Variants in ABCA13 observed in about 807,000 individuals in gnomAD.
The protein encoded by ABCA13 is ATP binding cassette subfamily A member 13, also known as ATP-binding cassette sub-family A member 13.
Under a neutral mutation model 478.7 loss-of-function variants are expected in ABCA13, and 476 were observed. The observed-to-expected ratio is 0.99, with a 90% CI of 0.92 to 1.07. The LOEUF (loss-of-function observed/expected upper bound fraction) is 1.07, where lower values mean the gene tolerates loss of function less well. ABCA13 is among the 50% of genes least tolerant of loss of function. ABCA13 has a pLI of 0.00. For missense variants in ABCA13, 6,060 were observed against 5,910.6 expected (o/e 1.03, Z -0.83); for synonymous variants, 2,252 against 2,158.9 (o/e 1.04, Z -1.20).
At chr7:48,182,469 C>A (rs1795821453) in intron 1 of ABCA13, among the ~76,000 whole-genome samples, 1 of 152,134 alleles carries the variant, frequency 6.6e-6, no homozygotes, top group African/African-American at 2.4e-5. Flanking sequence ...TTCCAGTGTT[C>A]ATACTTAATT....
intron 48 of ABCA13, among the ~76,000 whole-genome samples, chr7:48,492,437 A>T (rs1829920380): frequency 6.6e-6 from 1 of 152,088 alleles, no homozygotes; most frequent in East Asian, 1.9e-4. Context: ...AAATTCATCC[A>T]TATATTTATT....
intron 59 of ABCA13, among the ~76,000 whole-genome samples, chr7:48,624,403 G>C (rs1793463522): frequency 6.6e-6 from 1 of 151,874 alleles, no homozygotes; most frequent in African/African-American, 2.4e-5. Flanking sequence ...AGTCTGACTT[G>C]GTAAAAACAC....
intron 35 of ABCA13, among the ~76,000 whole-genome samples, chr7:48,380,279 T>C (rs1814141894): frequency 6.6e-6 from 1 of 152,204 alleles, no homozygotes; most frequent in Admixed American, 6.5e-5. Flanking sequence ...AATATCTGGT[T>C]TTAAGTTTGT....
chr7:48,487,786 C>CTGTGTGT (rs1047479290), intron 47 of ABCA13, among the ~76,000 whole-genome samples: 32 of 152,178 alleles, frequency 2.1e-4, no homozygotes, highest in African/African-American at 7.2e-4. Flanking sequence ...GTGTAGGTGT[C>CTGTGTGT]TGTGTGTGAG....
At chr7:48,334,973 T>C (rs1354911691) in intron 27 of ABCA13, among the ~76,000 whole-genome samples, 2 of 152,260 alleles carry the variant, frequency 1.3e-5, no homozygotes, top group Non-Finnish European at 2.9e-5. Context: ...CAAATTATTT[T>C]ATAAAAGTCT....
chr7:48,237,012 GT>G (rs35078208), intron 8 of ABCA13, among the ~76,000 whole-genome samples: 3,681 of 130,754 alleles, frequency 0.028, 59 homozygotes, highest in Middle Eastern at 0.073. Context: ...AGAGGGTAGG[GT>G]TTTTTTTTTT....
chr7:48,409,380 T>C (rs183306796), intron 39 of ABCA13, among the ~76,000 whole-genome samples: 44 of 152,348 alleles, frequency 2.9e-4, no homozygotes, highest in Middle Eastern at 6.8e-3. Flanking sequence ...CTTGACAAGA[T>C]GCTAGAATGC....
intron 34 of ABCA13, 121 bp from the exon 35 acceptor site, chr7:48,376,317 CCTT>C (rs1437499215): frequency 4.3e-6 from 5 of 1,170,530 alleles, no homozygotes; most frequent in Non-Finnish European, 5.9e-6. Context: ...GTGATATTGA[CCTT>C]CTTTTTGTTT....
At chr7:48,191,497 G>T (rs1354827001) in intron 1 of ABCA13, among the ~76,000 whole-genome samples, 1 of 152,162 alleles carries the variant, frequency 6.6e-6, no homozygotes, top group Non-Finnish European at 1.5e-5. Context: ...TCCACCTCCC[G>T]GGTTCAAGTG....
chr7:48,584,324 G>T (rs1391559936), intron 56 of ABCA13, among the ~76,000 whole-genome samples: 1 of 152,128 alleles, frequency 6.6e-6, no homozygotes, highest in Admixed American at 6.5e-5. Flanking sequence ...TGTTAGTACA[G>T]CAGGTCCCCA....
chr7:48,547,441 C>G (rs1784916798), intron 55 of ABCA13, among the ~76,000 whole-genome samples: 1 of 151,952 alleles, frequency 6.6e-6, no homozygotes, highest in Non-Finnish European at 1.5e-5. Flanking sequence ...AATGTGCAAA[C>G]TAGCAGAAAG....
intron 3 of ABCA13, among the ~76,000 whole-genome samples, chr7:48,218,327 G>A (rs1764635126): frequency 6.6e-6 from 1 of 152,168 alleles, no homozygotes; most frequent in Non-Finnish European, 1.5e-5. Flanking sequence ...CCTCAGTAGA[G>A]AAGTAATTTC....
chr7:48,274,081 T>C lies in ABCA13; in HGVS notation c.4415T>C (p.Ile1472Thr), dbSNP rs1227845736. The C allele has an allele frequency of 1.2e-6, 2 of 1,606,182 alleles. No individual in the cohort carries two copies. Among genetic ancestry groups the C allele is most frequent in the African/African-American group, 2.7e-5 (2 of 74,624 alleles). Residue 1472 changes from isoleucine to threonine, a missense_variant, in exon 17 of 62, where the codon ATT becomes ACT. Physicochemically the swap from Ile to Thr is moderately conservative, Grantham distance 89. Around this residue, in one of 3 missense-constraint regions of ABCA13, gnomAD observed 4,423 missense variants for 4,309.1 expected, o/e 1.03. Transcript: ENST00000435803. The part of the protein sequence containing the change: ...YLKDVTDFLN[I>T]VLTTVFEKEK... ...AAAGATGTAACTGACTTTCTAAATA[T>C]TGTACTTACTACAGTCTTTGAAAAA...
At chr7:48,555,836 A>T (rs1585794923) in intron 55 of ABCA13, among the ~76,000 whole-genome samples, 1 of 149,206 alleles carries the variant, frequency 6.7e-6, no homozygotes, top group African/African-American at 2.5e-5. Flanking sequence ...ATCTTTATTT[A>T]TTTTTTACCA....
chr7:48,595,305 A>G (rs1790169496), intron 58 of ABCA13, among the ~76,000 whole-genome samples: 1 of 152,240 alleles, frequency 6.6e-6, no homozygotes, highest in Non-Finnish European at 1.5e-5. Context: ...ACTTTCTAAT[A>G]CACTGTTCTA....
Position 48,643,390 on chromosome 7 carries a change from C to T in ABCA13, c.14940C>T (p.Phe4980=). 1.2e-6 allele frequency: 2 copies of T among 1,604,900 alleles called. No individual in the cohort carries two copies. The highest frequency in any genetic ancestry group is 1.7e-6 in the Non-Finnish European group (2 of 1,171,968). Residue 4980 remains phenylalanine (F), a synonymous_variant, in exon 60 of 62, where the codon TTC becomes TTT. Coordinates refer to ENST00000435803, the MANE Select transcript of ABCA13 (RefSeq NM_152701.5). ...AGCTTTATTTTCCAGGAATTCAGTT[C>T]AAGGTAGTGCTAATATCTTGTATTA... ...HLKLYFPGIQ[F]KGQHLNLLEY...
At chr7:48,588,680 G>T (rs1271905196) in intron 57 of ABCA13, among the ~76,000 whole-genome samples, 1 of 152,156 alleles carries the variant, frequency 6.6e-6, no homozygotes, top group African/African-American at 2.4e-5. Context: ...TGGAGTCATT[G>T]AAAGCAGTAA....
intron 53 of ABCA13, among the ~76,000 whole-genome samples, chr7:48,523,843 T>C (rs1378464906): frequency 6.6e-6 from 1 of 152,184 alleles, no homozygotes; most frequent in Non-Finnish European, 1.5e-5. Context: ...ACTTACAATG[T>C]TTCAGTACTT....
chr7:48,400,190 C>T (rs62449238), intron 38 of ABCA13, among the ~76,000 whole-genome samples: 31,114 of 152,008 alleles, frequency 0.2, 3,473 homozygotes, highest in East Asian at 0.23. Context: ...CCCTACTTAC[C>T]TATACTCTTA....
Sources: allele counts gnomAD v4.1 joint callset (sites outside exome capture counted in the v4.1 genomes callset), GRCh38; gene constraint gnomAD v4.1.1; regional missense constraint gnomAD v4.1.1; transcripts MANE v1.5; gene names NCBI Gene and HGNC (gene_info 2026-07-23, HGNC 2026-07-21).